Variants in RAB6B observed in about 807,000 individuals in gnomAD.
RAB6B encodes the protein RAB6B, member RAS oncogene family.
A neutral mutation model predicts 31.2 loss-of-function variants in RAB6B; 7 were observed. That is an observed-to-expected ratio of 0.22 (90% confidence interval 0.13 to 0.42). RAB6B has a LOEUF of 0.42. RAB6B is among the 10% of genes least tolerant of loss of function. The probability of loss-of-function intolerance (pLI) is 1.00; values close to 1 mark genes in which losing one functional copy is unlikely to be tolerated. For synonymous variants in RAB6B, 105 were observed against 104.9 expected, an observed-to-expected ratio of 1.00 and a Z score of -0.01; for missense variants, 149 against 280.6, an observed-to-expected ratio of 0.53 and a Z score of 3.35.
In RAB6B at chr3:133,827,605, T is replaced by G; in HGVS notation, c.*1183A>C. On this transcript the variant is annotated 3_prime_UTR_variant, in exon 8 of 8. Coordinates refer to ENST00000285208, the MANE Select transcript of RAB6B (RefSeq NM_016577.4). ...CGCAGCCACAGTAGCCACAAAGATA[T>G]GTCCACAAAGACTTCAACTGCGCCA... is the stretch of plus-strand genomic sequence containing the variant. 5.0e-6 allele frequency: 2 copies of G among 401,040 alleles called. No homozygotes were observed. The highest frequency in any genetic ancestry group is 7.6e-5 in the South Asian group (2 of 26,148). The allele number at this position is 401,040 out of a possible 1,614,324, so 24.8% of individuals were successfully genotyped here.
intron 1 of RAB6B, among the ~76,000 whole-genome samples, chr3:133,865,203 T>A (rs1169620924): frequency 6.6e-6 from 1 of 152,198 alleles, no homozygotes; most frequent in Non-Finnish European, 1.5e-5. Context: ...TCCAGCTCAT[T>A]GCAGGATGTT....
chr3:133,864,773 A>AGTGGGAGAC lies in RAB6B; in HGVS notation c.71-140_71-132dup, dbSNP rs1328527826. On this transcript the variant is annotated intron_variant, in intron 1 of 7. Coordinates refer to ENST00000285208, the MANE Select transcript of RAB6B (RefSeq NM_016577.4). ...AAAGGCCGAGTTGCAGAAATACAGA[A>AGTGGGAGAC]GTGGGAGACAGGCCCCTGCTAGGGA... 4.6e-6 allele frequency: 4 copies of AGTGGGAGAC among 864,206 alleles called. No individual in the cohort carries two copies. In the East Asian group the frequency reaches 1.0e-4, roughly 22 times the overall value. 53.5% of individuals were successfully genotyped at this position (864,206 alleles called of 1,614,324 possible).
intron 1 of RAB6B, among the ~76,000 whole-genome samples, chr3:133,874,355 C>T (rs116290955): frequency 2.2e-3 from 332 of 152,324 alleles, no homozygotes; most frequent in African/African-American, 6.8e-3. Flanking sequence ...TAATGGTACC[C>T]TATTGCTTCT....
chr3:133,882,176 C>A (rs1304823778), intron 1 of RAB6B, among the ~76,000 whole-genome samples: 1 of 152,186 alleles, frequency 6.6e-6, no homozygotes, highest in East Asian at 1.9e-4. Flanking sequence ...TCCCTTGCCA[C>A]GTGACCCCCT....
intron 1 of RAB6B, among the ~76,000 whole-genome samples, chr3:133,879,115 C>T (rs1299435757): frequency 6.6e-6 from 1 of 152,122 alleles, no homozygotes; most frequent in Non-Finnish European, 1.5e-5. Flanking sequence ...ACAAAAATGC[C>T]TATCTCACAG....
chr3:133,849,536 C>T (rs1348383210), intron 2 of RAB6B, among the ~76,000 whole-genome samples: 1 of 152,214 alleles, frequency 6.6e-6, no homozygotes. Context: ...GATGCTTATG[C>T]ATGAGAAGGT....
At chr3:133,837,690 G>T (rs1444196987) in intron 6 of RAB6B, among the ~76,000 whole-genome samples, 2 of 152,186 alleles carry the variant, frequency 1.3e-5, no homozygotes, top group Non-Finnish European at 1.5e-5. Flanking sequence ...GCCCTCCTGT[G>T]AGTTCCAACC....
At chr3:133,832,992 C>T (rs902351108) in intron 7 of RAB6B, among the ~76,000 whole-genome samples, 11 of 152,208 alleles carry the variant, frequency 7.2e-5, no homozygotes, top group African/African-American at 2.2e-4. Flanking sequence ...GTGAATGAAA[C>T]GATCACCACT....
chr3:133,866,652 A>T (rs968463065), intron 1 of RAB6B, among the ~76,000 whole-genome samples: 1 of 152,228 alleles, frequency 6.6e-6, no homozygotes, highest in African/African-American at 2.4e-5. Flanking sequence ...CTCCCCTTAA[A>T]TTTCACATGA....
intron 1 of RAB6B, among the ~76,000 whole-genome samples, chr3:133,878,231 G>A (rs1292439971): frequency 6.6e-6 from 1 of 151,968 alleles, no homozygotes; most frequent in Non-Finnish European, 1.5e-5. Context: ...ATTACAGCAA[G>A]GCACATCTTA....
intron 2 of RAB6B, among the ~76,000 whole-genome samples, chr3:133,843,013 T>C (rs138544721): frequency 1.3e-5 from 2 of 152,186 alleles, no homozygotes; most frequent in African/African-American, 2.4e-5. Flanking sequence ...AATGCAAAGG[T>C]ATGCACCAAT....
At chr3:133,882,118 T>C (rs919665202) in intron 1 of RAB6B, among the ~76,000 whole-genome samples, 1 of 152,126 alleles carries the variant, frequency 6.6e-6, no homozygotes, top group East Asian at 1.9e-4. Context: ...CTTGTGGTTG[T>C]AGGACTTCCC....
intron 2 of RAB6B, among the ~76,000 whole-genome samples, chr3:133,842,500 C>G (rs959193737): frequency 6.6e-6 from 1 of 152,176 alleles, no homozygotes. Flanking sequence ...TGGACACAGC[C>G]TGAATGTCCA....
intron 7 of RAB6B, among the ~76,000 whole-genome samples, chr3:133,830,766 T>C (rs1265633874): frequency 6.6e-6 from 1 of 152,248 alleles, no homozygotes; most frequent in Non-Finnish European, 1.5e-5. Context: ...CTGACCTGGC[T>C]GTGCTAAGCC....
intron 1 of RAB6B, among the ~76,000 whole-genome samples, chr3:133,886,077 C>A (rs943276271): frequency 1.3e-5 from 2 of 152,118 alleles, no homozygotes; most frequent in Non-Finnish European, 2.9e-5. Context: ...GGCTCAACCC[C>A]TTCTCCCCCA....
At chr3:133,835,157 G>C (rs541527111) in intron 6 of RAB6B, among the ~76,000 whole-genome samples, 159 of 152,340 alleles carry the variant, frequency 1.0e-3, no homozygotes, top group African/African-American at 3.5e-3. Flanking sequence ...TTCTCTGAGA[G>C]CGCGAGGGAT....
chr3:133,837,196 G>A (rs531720632), intron 6 of RAB6B, among the ~76,000 whole-genome samples: 40 of 152,166 alleles, frequency 2.6e-4, no homozygotes, highest in Admixed American at 1.6e-3. Context: ...TAACCCTTCC[G>A]TGAGCCAAGG....
chr3:133,855,065 A>G (rs914987037), intron 2 of RAB6B, among the ~76,000 whole-genome samples: 2 of 152,270 alleles, frequency 1.3e-5, no homozygotes, highest in African/African-American at 4.8e-5. Flanking sequence ...CATAAGTGGC[A>G]GAAAGCAGCT....
At position 133,893,624 on chromosome 3, in the gene RAB6B, C is replaced by T. The variant is rs140290039; in HGVS notation, c.70+1773G>A. On this transcript the variant is annotated intron_variant, in intron 1 of 7. Coordinates refer to ENST00000285208, the MANE Select transcript of RAB6B (RefSeq NM_016577.4). ...TGTTTGCTGAGAACCTACCAGGGGC[C>T]AGGCACTTTGAGAGGCACTAAAGAA... Among the ~76,000 whole-genome samples the T allele has an allele frequency of 1.2e-4, 19 of 152,280 alleles. No homozygotes were observed. The East Asian group carries it at 1.5e-3, about 12-fold the overall frequency.
Sources: allele counts gnomAD v4.1 joint callset (sites outside exome capture counted in the v4.1 genomes callset), GRCh38; gene constraint gnomAD v4.1.1; transcripts MANE v1.5; gene names NCBI Gene and HGNC (gene_info 2026-07-23, HGNC 2026-07-21).